SHANK2: variants seen among roughly 807,000 people sequenced by gnomAD.
SHANK2 encodes SH3 and multiple ankyrin repeat domains protein 2.
In SHANK2, 43 loss-of-function variants were observed where a neutral mutation model predicts 133.7. The ratio of observed to expected loss-of-function variants is 0.32; its 90% CI spans 0.25 to 0.41. The LOEUF is 0.41. SHANK2 is among the 10% of genes least tolerant of loss of function. The pLI, the probability that SHANK2 is intolerant of heterozygous loss-of-function variation, is 1.00. For missense variants in SHANK2, 1,994 were observed against 2,235.8 expected (o/e 0.89, Z 2.18); for synonymous variants, 1,017 against 952.8 (o/e 1.07, Z -1.24).
At chr11:71,197,786 G>T (rs1237496061) in intron 2 of SHANK2, among the ~76,000 whole-genome samples, 1 of 152,186 alleles carries the variant, frequency 6.6e-6, no homozygotes, top group Non-Finnish European at 1.5e-5. Flanking sequence ...AAGTAGCTGG[G>T]ACTACACTGG....
At chr11:70,718,486 A>G (rs1005519858) in intron 14 of SHANK2, among the ~76,000 whole-genome samples, 7 of 152,062 alleles carry the variant, frequency 4.6e-5, no homozygotes, top group African/African-American at 2.4e-5. Context: ...GGAAAAATCC[A>G]TGGACATGCT....
rs140137476 is a variant in SHANK2, at chr11:70,811,637, T to TCATCCATC, written c.1494-4474_1494-4467dup. Among the ~76,000 whole-genome samples, 742 of 147,630 alleles carry TCATCCATC rather than the reference T, an allele frequency of 5.0e-3. 10 individuals are homozygous for TCATCCATC. Among genetic ancestry groups the TCATCCATC allele is most frequent in the African/African-American group, 0.017 (686 of 39,754 alleles). ...ATCTACCTATCCATCATCCATCCAC[T>TCATCCATC]CATCCATCCATCCATCCATCCATCA... On this transcript the variant is annotated intron_variant, in intron 12 of 25. Coordinates refer to ENST00000601538, the MANE Select transcript of SHANK2 (RefSeq NM_012309.5).
At chr11:70,741,175 CCATCCATCCATGCATT>C (rs1464840952) in intron 14 of SHANK2, among the ~76,000 whole-genome samples, 1 of 133,472 alleles carries the variant, frequency 7.5e-6, no homozygotes, top group Non-Finnish European at 1.7e-5. Flanking sequence ...ACCCATCCAT[CCATCCATCCATGCATT>C]CAACCACCCA....
chr11:70,749,850 G>GTC (rs1434295972), intron 14 of SHANK2, among the ~76,000 whole-genome samples: 1 of 152,076 alleles, frequency 6.6e-6, no homozygotes, highest in Non-Finnish European at 1.5e-5. Flanking sequence ...CAATGTCAGG[G>GTC]TTCCAAAGGA....
At chr11:70,576,956 G>C (rs908185442) in intron 17 of SHANK2, among the ~76,000 whole-genome samples, 43 of 152,196 alleles carry the variant, frequency 2.8e-4, no homozygotes, top group Non-Finnish European at 8.8e-5. Flanking sequence ...TAGAAATAAT[G>C]AGTATCACGC....
At chr11:70,678,605 T>C (rs985050519) in intron 15 of SHANK2, among the ~76,000 whole-genome samples, 12 of 141,444 alleles carry the variant, frequency 8.5e-5, no homozygotes, top group African/African-American at 3.2e-4. Context: ...TGCAGTGGTG[T>C]GATCTCAGCT....
intron 2 of SHANK2, among the ~76,000 whole-genome samples, chr11:71,195,343 G>A (rs374758666): frequency 9.2e-5 from 14 of 151,996 alleles, no homozygotes; most frequent in African/African-American, 3.4e-4. Flanking sequence ...AGTGAGCCGA[G>A]ATGGCGCCAC....
intron 11 of SHANK2, among the ~76,000 whole-genome samples, chr11:70,887,409 C>A (rs1467790912): frequency 1.3e-5 from 2 of 150,938 alleles, no homozygotes; most frequent in Admixed American, 6.6e-5. Flanking sequence ...AGCATCACAG[C>A]ATCAGACAAC....
chr11:70,859,353 G>A (rs1383887832), intron 11 of SHANK2, among the ~76,000 whole-genome samples: 1 of 152,260 alleles, frequency 6.6e-6, no homozygotes, highest in East Asian at 1.9e-4. Flanking sequence ...TGGATGAATG[G>A]AGAAGTTGGT....
rs558800507 is a variant in SHANK2 at position 70,492,324 on chromosome 11, C to T, written c.2439+11G>A. 5.8e-5 allele frequency: 94 copies of T among 1,609,278 alleles called. No individual in the cohort carries two copies. Among genetic ancestry groups the T allele is most frequent in the African/African-American group, 9.3e-5 (7 of 75,056 alleles). On this transcript the variant is annotated intron_variant, in intron 22 of 25. Coordinates refer to ENST00000601538, the MANE Select transcript of SHANK2 (RefSeq NM_012309.5). The stretch of plus-strand genomic sequence containing the variant: ...CCCCCGCCCTCGTGGTCCCAAGGTA[C>T]GGCCACTCACGTTCATGTCTGAGCC...
chr11:70,635,843 C>T (rs1007624630), intron 17 of SHANK2, among the ~76,000 whole-genome samples: 2 of 152,204 alleles, frequency 1.3e-5, no homozygotes, highest in African/African-American at 2.4e-5. Flanking sequence ...CTTCATAAAC[C>T]CTCGGTCACG....
In SHANK2 at chr11:70,837,975, C is replaced by CAAA. The variant is rs55862093; in HGVS notation, c.1175-17296_1175-17294dup. 6.3e-3 allele frequency among the ~76,000 whole-genome samples: 159 copies of CAAA among 25,158 alleles called. 4 individuals carry two copies. Among genetic ancestry groups the CAAA allele is most frequent in the African/African-American group, 7.1e-3 (57 of 7,980 alleles). The allele number at this position is 25,158 out of a possible 152,430, so 16.5% of individuals were successfully genotyped here. The stretch of plus-strand genomic sequence containing the variant: ...GGCAACAGAGCAAAACATTCTGTCT[C>CAAA]AAAAAAAAAAAAAAAAAAAAAAAAA... On this transcript the variant is annotated intron_variant, in intron 11 of 25. Transcript: ENST00000601538.
chr11:71,191,513 C>G (rs1051604361), intron 2 of SHANK2, among the ~76,000 whole-genome samples: 1 of 152,068 alleles, frequency 6.6e-6, no homozygotes, highest in African/African-American at 2.4e-5. Context: ...CATCCCTCCA[C>G]GCATCCACAG....
At chr11:70,770,835 A>C (rs1183695557) in intron 14 of SHANK2, among the ~76,000 whole-genome samples, 1 of 151,428 alleles carries the variant, frequency 6.6e-6, no homozygotes, top group Non-Finnish European at 1.5e-5. Flanking sequence ...TAACAGGCAC[A>C]GTTAATCTGT....
intron 17 of SHANK2, among the ~76,000 whole-genome samples, chr11:70,505,630 A>G (rs1281238560): frequency 6.6e-6 from 1 of 152,132 alleles, no homozygotes; most frequent in Non-Finnish European, 1.5e-5. Flanking sequence ...AAGAAAGTGC[A>G]TATTACTGCC....
intron 8 of SHANK2, among the ~76,000 whole-genome samples, chr11:71,088,615 G>A (rs1342962947): frequency 2.0e-5 from 3 of 152,190 alleles, no homozygotes; most frequent in Non-Finnish European, 4.4e-5. Flanking sequence ...AGATGTGGGT[G>A]TTCAGGGTTC....
chr11:70,653,567 CAAAAAA>C (rs1157982312), intron 17 of SHANK2, among the ~76,000 whole-genome samples: 4 of 61,802 alleles, frequency 6.5e-5, no homozygotes, highest in Admixed American at 1.7e-4. Flanking sequence ...CTCAGCCTTC[CAAAAAA>C]AAAAAAAAAA....
At chr11:70,586,780 G>A (rs527599399) in intron 17 of SHANK2, among the ~76,000 whole-genome samples, 7 of 152,306 alleles carry the variant, frequency 4.6e-5, no homozygotes, top group African/African-American at 7.2e-5. Context: ...CAGGTGTCTC[G>A]AGGGTACCGC....
intron 3 of SHANK2, among the ~76,000 whole-genome samples, chr11:71,140,540 C>T (rs1952534890): frequency 6.6e-6 from 1 of 152,232 alleles, no homozygotes; most frequent in Non-Finnish European, 1.5e-5. Context: ...CGATGGAGGA[C>T]CTCAGTGGCT....
Sources: allele counts gnomAD v4.1 joint callset (sites outside exome capture counted in the v4.1 genomes callset), GRCh38; gene constraint gnomAD v4.1.1; transcripts MANE v1.5; gene names NCBI Gene and HGNC (gene_info 2026-07-23, HGNC 2026-07-21).